ACSS1: variants seen among roughly 807,000 people sequenced by gnomAD.
The protein encoded by ACSS1 is acetyl-coenzyme A synthetase 2-like, mitochondrial.
In ACSS1, 42 loss-of-function variants were observed where a neutral mutation model predicts 75.3. The ratio of observed to expected loss-of-function variants is 0.56; its 90% CI spans 0.44 to 0.72. The LOEUF is 0.72. Ranked by LOEUF, ACSS1 falls within the 30% of genes least tolerant of loss-of-function variation. ACSS1 has a pLI of 0.00. For missense variants in ACSS1, 782 were observed against 935.7 expected (o/e 0.84, Z 2.14); for synonymous variants, 380 against 376.8 (o/e 1.01, Z -0.10).
At position 25,013,390 on chromosome 20, in the gene ACSS1, G is replaced by T. The variant is rs567951004; in HGVS notation, c.1579+146C>A. ...AGGGAGGTACAGCAAAGGGAGAGGG[G>T]TGCGGAGTCAAACTCTGGCCTCGCG... On this transcript the variant is annotated intron_variant, in intron 10 of 13. Transcript: ENST00000323482. 4.8e-5 allele frequency: 50 copies of T among 1,037,524 alleles called. No homozygotes were observed. The African/African-American group carries it at 7.7e-4, about 16-fold the overall frequency. 64.3% of individuals were successfully genotyped at this position (1,037,524 alleles called of 1,614,324 possible).
At chr20:25,015,023 G>A (rs1002762657) in intron 8 of ACSS1, 115 bp downstream of exon 8, 13 of 861,356 alleles carry the variant, frequency 1.5e-5, no homozygotes, top group South Asian at 2.0e-5. Context: ...AGTCTCGGGC[G>A]TTGAAGCGTC....
At chr20:25,010,737 T>C (rs1340772669) in intron 12 of ACSS1, 1 of 152,332 alleles carries the variant, frequency 6.6e-6, no homozygotes, top group Non-Finnish European at 1.5e-5. Flanking sequence ...TGTTGAGTTC[T>C]GAGGATGGAG....
At position 25,046,760 on chromosome 20, in the gene ACSS1, C is replaced by T. The variant is rs562208345; in HGVS notation, c.431+1325G>A. Reference sequence around the variant, plus strand: ...GCTTGGGTCTTCAGAGCCAAGCACACTCCAGTGTGCAGGGGCCACCTGGGG... The same window carrying T: ...GCTTGGGTCTTCAGAGCCAAGCACATTCCAGTGTGCAGGGGCCACCTGGGG... On this transcript the variant is annotated intron_variant, in intron 2 of 13. Transcript: ENST00000323482. 264 of 778,956 alleles carry T rather than the reference C, an allele frequency of 3.4e-4. No individual in the cohort carries two copies. In the African/African-American group the frequency reaches 3.8e-3, roughly 11 times the overall value. The allele number at this position is 778,956 out of a possible 1,614,324, so 48.3% of individuals were successfully genotyped here. A position where few individuals can be genotyped will look rare whatever the true frequency, so the allele number is the denominator to read the frequency against.
rs2088324413 is a variant in ACSS1, at chr20:25,007,255, A to ACC, written c.*506_*507insGG. On this transcript the variant is annotated 3_prime_UTR_variant, in exon 14 of 14. Coordinates refer to ENST00000323482, the MANE Select transcript of ACSS1 (RefSeq NM_032501.4). ...TAGAGGCAAAAAAGGAGATTTTCATAACTACATGTTAAAAAGAACATGTTC... is the reference window on the plus strand; with the variant it reads ...TAGAGGCAAAAAAGGAGATTTTCATACCACTACATGTTAAAAAGAACATGTTC... 8.8e-7 allele frequency: 1 copy of ACC among 1,141,112 alleles called. No homozygotes were observed. The highest frequency in any genetic ancestry group is 1.1e-6 in the Non-Finnish European group (1 of 927,400). The allele number at this position is 1,141,112 out of a possible 1,614,324, so 70.7% of individuals were successfully genotyped here. A position where few individuals can be genotyped will look rare whatever the true frequency, so the allele number is the denominator to read the frequency against.
At chr20:25,029,456 T>C (rs557881897) in intron 3 of ACSS1, among the ~76,000 whole-genome samples, 2 of 152,322 alleles carry the variant, frequency 1.3e-5, no homozygotes, top group South Asian at 2.1e-4. Context: ...CAAAACAGTT[T>C]TACAGTTCTT....
intron 5 of ACSS1, among the ~76,000 whole-genome samples, chr20:25,021,807 G>A (rs1267276210): frequency 6.6e-6 from 1 of 152,186 alleles, no homozygotes; most frequent in African/African-American, 2.4e-5. Context: ...AAAAGGCCAA[G>A]AATGGCATCA....
intron 2 of ACSS1, among the ~76,000 whole-genome samples, chr20:25,043,100 G>A (rs1330794588): frequency 1.3e-5 from 2 of 152,076 alleles, no homozygotes; most frequent in Non-Finnish European, 2.9e-5. Context: ...GCAGGGCACA[G>A]CCTCCCGCCT....
At chr20:25,041,435 C>T (rs988448741) in intron 2 of ACSS1, among the ~76,000 whole-genome samples, 39 of 152,158 alleles carry the variant, frequency 2.6e-4, no homozygotes, top group Non-Finnish European at 5.1e-4. Context: ...ACCGTACTCC[C>T]GGGCATAAGG....
At chr20:25,027,508 C>T (rs531669985) in intron 3 of ACSS1, among the ~76,000 whole-genome samples, 4 of 152,244 alleles carry the variant, frequency 2.6e-5, no homozygotes, top group South Asian at 2.1e-4. Flanking sequence ...CACTGTAATA[C>T]ATCACACTAC....
At chr20:25,023,678 C>A in intron 3 of ACSS1, 37 bp from the exon 4 acceptor site, 1 of 1,547,478 alleles carries the variant, frequency 6.5e-7, no homozygotes, top group South Asian at 1.2e-5. Context: ...GATCAGTCTC[C>A]TCCCGACTTT....
At chr20:25,050,651 G>A (rs1317655048) in intron 1 of ACSS1, among the ~76,000 whole-genome samples, 3 of 152,032 alleles carry the variant, frequency 2.0e-5, no homozygotes, top group East Asian at 1.9e-4. Flanking sequence ...GGAAGGGCTC[G>A]AACCACGCTG....
intron 3 of ACSS1, among the ~76,000 whole-genome samples, chr20:25,027,267 G>C (rs2088735283): frequency 6.6e-6 from 1 of 152,164 alleles, no homozygotes; most frequent in Admixed American, 6.5e-5. Flanking sequence ...AAATTGAAGA[G>C]GAGATACTTT....
At chr20:25,032,372 C>A in intron 2 of ACSS1, 2 of 1,363,914 alleles carry the variant, frequency 1.5e-6, no homozygotes, top group Non-Finnish European at 1.9e-6. Flanking sequence ...AACTTGCCGG[C>A]CATGCGGTGC....
At chr20:25,039,152 T>C (rs910928191) in intron 2 of ACSS1, among the ~76,000 whole-genome samples, 1 of 152,140 alleles carries the variant, frequency 6.6e-6, no homozygotes, top group Non-Finnish European at 1.5e-5. Flanking sequence ...CAACAGCCCA[T>C]AGGTTCTGAG....
intron 1 of ACSS1, among the ~76,000 whole-genome samples, chr20:25,052,025 C>A (rs2089181620): frequency 6.6e-6 from 1 of 152,186 alleles, no homozygotes; most frequent in African/African-American, 2.4e-5. Flanking sequence ...TCAGACCACA[C>A]AGGCACCTGA....
At chr20:25,055,033 T>C (rs1447909920) in intron 1 of ACSS1, among the ~76,000 whole-genome samples, 1 of 152,246 alleles carries the variant, frequency 6.6e-6, no homozygotes, top group African/African-American at 2.4e-5. Context: ...CTTCTGTCTA[T>C]AAAACCATCC....
rs555175871 is a variant in ACSS1 at position 25,042,060 on chromosome 20, G to A, written c.431+6025C>T. Reference sequence around the variant, plus strand: ...CGCTGGCCTAGAATTGCCTGTGGTCGCCCCAGAGAATTCTCAGAAAGGTCC... The same window carrying A: ...CGCTGGCCTAGAATTGCCTGTGGTCACCCCAGAGAATTCTCAGAAAGGTCC... On this transcript the variant is annotated intron_variant, in intron 2 of 13. Transcript: ENST00000323482. Among the ~76,000 whole-genome samples the A allele has an allele frequency of 5.8e-4, 88 of 152,058 alleles. No individual in the cohort carries two copies. In the South Asian group the frequency reaches 0.015, roughly 26 times the overall value.
intron 2 of ACSS1, among the ~76,000 whole-genome samples, chr20:25,042,691 G>A (rs2089023611): frequency 6.6e-6 from 1 of 152,144 alleles, no homozygotes; most frequent in Non-Finnish European, 1.5e-5. Flanking sequence ...TTTAGCTGAT[G>A]TACGTGTCCT....
intron 3 of ACSS1, among the ~76,000 whole-genome samples, chr20:25,029,589 A>G (rs193153943): frequency 1.3e-5 from 2 of 149,728 alleles, no homozygotes; most frequent in East Asian, 3.9e-4. Flanking sequence ...CACAATAGCC[A>G]AAAAATGGAA....
Sources: gnomAD v4.1 joint callset for allele counts (sites outside exome capture counted in the v4.1 genomes callset) on GRCh38, gnomAD v4.1.1 for gene constraint, MANE v1.5 for transcripts, NCBI Gene and HGNC (gene_info 2026-07-23, HGNC 2026-07-21) for gene names.